Variants in ASAP1 observed in about 807,000 individuals in gnomAD.
ASAP1 encodes ArfGAP with SH3 domain, ankyrin repeat and PH domain 1.
In ASAP1, 43 loss-of-function variants were observed where a neutral mutation model predicts 145.2. The ratio of observed to expected loss-of-function variants is 0.30; its 90% CI spans 0.23 to 0.38. ASAP1 has a LOEUF of 0.38. Among genes scored for constraint, ASAP1 ranks in the 10% least tolerant of loss-of-function variants. The pLI is 1.00. For synonymous variants in ASAP1, 546 were observed against 515.5 expected, an observed-to-expected ratio of 1.06 and a Z score of -0.80; for missense variants, 1,018 against 1,355.3, an observed-to-expected ratio of 0.75 and a Z score of 3.91.
chr8:130,149,898 G>A lies in ASAP1; in HGVS notation c.1080+2838C>T, dbSNP rs1356876885. 2.6e-5 allele frequency among the ~76,000 whole-genome samples: 4 copies of A among 152,194 alleles called. No individual in the cohort carries two copies. The East Asian group carries it at 7.7e-4, about 29-fold the overall frequency. On this transcript the variant is annotated intron_variant, in intron 13 of 29. Transcript: ENST00000518721. The stretch of plus-strand genomic sequence containing the variant: ...CCAGTGAAAAGTGGGGAACAGAATA[G>A]CACAAATTAGCAGGAGGGAATCAGA...
chr8:130,414,937 T>C (rs1358706598), intron 1 of ASAP1, among the ~76,000 whole-genome samples: 1 of 152,180 alleles, frequency 6.6e-6, no homozygotes, highest in East Asian at 1.9e-4. Flanking sequence ...TTTGTACTTT[T>C]AGTAGAGACA....
chr8:130,099,974 T>C (rs2097525793), intron 24 of ASAP1, among the ~76,000 whole-genome samples: 1 of 152,200 alleles, frequency 6.6e-6, no homozygotes, highest in South Asian at 2.1e-4. Flanking sequence ...GCAGTAAACA[T>C]GGGGTGCAGG....
At chr8:130,304,986 C>T (rs536983834) in intron 3 of ASAP1, among the ~76,000 whole-genome samples, 5 of 152,268 alleles carry the variant, frequency 3.3e-5, no homozygotes, top group African/African-American at 9.6e-5. Flanking sequence ...CCTCTTCTTC[C>T]TCACACGCTC....
rs771330943 is a variant in ASAP1 at position 130,112,175 on chromosome 8, T to G, written c.2320A>C (p.Ile774Leu). ...RLSYGAFTNQIFVSTSTDSPT... is the reference protein window; with the variant it reads ...RLSYGAFTNQLFVSTSTDSPT... ...GAGTCTGTGCTTGTGGAAACGAAGA[T>G]CTGGTTGGTGAAGGCTCCATAGGAG... Residue 774 changes from isoleucine (I) to leucine (L), a missense_variant, in exon 24 of 30, where the codon ATC (isoleucine) becomes CTC (leucine). Around this residue, in one of 9 missense-constraint regions of ASAP1, gnomAD observed 353 missense variants for 375.4 expected, o/e 0.94. Coordinates refer to ENST00000518721, the MANE Select transcript of ASAP1 (RefSeq NM_018482.4). The G allele has an allele frequency of 6.2e-7, 1 of 1,613,872 alleles. No homozygotes were observed. The highest frequency in any genetic ancestry group is 2.2e-5 in the East Asian group (1 of 44,888).
At chr8:130,075,938 G>A (rs1450635803) in intron 27 of ASAP1, among the ~76,000 whole-genome samples, 4 of 152,100 alleles carry the variant, frequency 2.6e-5, no homozygotes, top group African/African-American at 7.2e-5. Context: ...AAAACCTCAC[G>A]AAGTATTATT....
intron 25 of ASAP1, among the ~76,000 whole-genome samples, chr8:130,090,386 C>T (rs879527657): frequency 3.3e-5 from 5 of 152,136 alleles, no homozygotes; most frequent in Non-Finnish European, 7.4e-5. Flanking sequence ...GGGGGAAAGG[C>T]CTTTTTGATG....
At chr8:130,058,178 T>C in intron 28 of ASAP1, 102 bp from the exon 29 acceptor site, 1 of 1,294,320 alleles carries the variant, frequency 7.7e-7, no homozygotes. Context: ...TAACTTAACC[T>C]CGCTGAGCCT....
intron 4 of ASAP1, among the ~76,000 whole-genome samples, chr8:130,218,867 A>G (rs894231482): frequency 6.7e-6 from 1 of 149,426 alleles, no homozygotes; most frequent in Non-Finnish European, 1.5e-5. Context: ...ATATATATGC[A>G]TATGTATGTA....
At chr8:130,063,161 T>G (rs1447660687) in intron 27 of ASAP1, among the ~76,000 whole-genome samples, 1 of 151,878 alleles carries the variant, frequency 6.6e-6, no homozygotes, top group East Asian at 1.9e-4. Flanking sequence ...AGACTTCAGG[T>G]AGTTTTTATT....
chr8:130,056,645 T>C (rs1488611861), intron 29 of ASAP1, among the ~76,000 whole-genome samples: 2 of 152,124 alleles, frequency 1.3e-5, no homozygotes, highest in Non-Finnish European at 2.9e-5. Flanking sequence ...GGAAGAAAAG[T>C]CAAAGGTGAA....
At chr8:130,130,866 C>T (rs902717921) in intron 15 of ASAP1, among the ~76,000 whole-genome samples, 11 of 151,642 alleles carry the variant, frequency 7.3e-5, no homozygotes, top group African/African-American at 2.7e-4. Flanking sequence ...CAACATAGAT[C>T]TCATTTTAAA....
At chr8:130,091,903 C>A in intron 25 of ASAP1, 70 bp downstream of exon 25, 1 of 1,432,628 alleles carries the variant, frequency 7.0e-7, no homozygotes, top group Non-Finnish European at 9.2e-7. Flanking sequence ...TGCTAACAGG[C>A]CACTGCCCAG....
chr8:130,345,196 A>C (rs1825635671), intron 3 of ASAP1, among the ~76,000 whole-genome samples: 1 of 152,236 alleles, frequency 6.6e-6, no homozygotes, highest in Admixed American at 6.5e-5. Context: ...AATGCTGGAG[A>C]GTAAACTCAG....
intron 23 of ASAP1, among the ~76,000 whole-genome samples, chr8:130,114,407 T>C (rs1226209862): frequency 6.6e-6 from 1 of 152,228 alleles, no homozygotes; most frequent in African/African-American, 2.4e-5. Context: ...AAACATGTTA[T>C]ATAAGATTAA....
At chr8:130,342,396 G>A (rs142405444) in intron 3 of ASAP1, among the ~76,000 whole-genome samples, 9 of 152,252 alleles carry the variant, frequency 5.9e-5, no homozygotes, top group Non-Finnish European at 7.4e-5. Flanking sequence ...GTAAAATACC[G>A]TGGGTAAAGT....
intron 27 of ASAP1, among the ~76,000 whole-genome samples, chr8:130,063,565 A>G (rs1328721280): frequency 1.3e-5 from 2 of 152,174 alleles, no homozygotes; most frequent in African/African-American, 4.8e-5. Flanking sequence ...ATGGGACTAC[A>G]GGGCAGGGAA....
At chr8:130,289,211 A>AAAAAAAAACAAAC (rs1821804728) in intron 3 of ASAP1, among the ~76,000 whole-genome samples, 3 of 151,860 alleles carry the variant, frequency 2.0e-5, no homozygotes, top group South Asian at 4.1e-4. Flanking sequence ...AACAAACAAA[A>AAAAAAAAACAAAC]AAAAAAACTA....
intron 9 of ASAP1, among the ~76,000 whole-genome samples, chr8:130,170,199 T>G (rs902671488): frequency 2.6e-5 from 4 of 152,142 alleles, no homozygotes; most frequent in Non-Finnish European, 4.4e-5. Context: ...TATCTTTTTT[T>G]TTTTTGAGAT....
chr8:130,304,989 A>C (rs1331996954), intron 3 of ASAP1, among the ~76,000 whole-genome samples: 1 of 151,034 alleles, frequency 6.6e-6, no homozygotes, highest in East Asian at 2.0e-4. Flanking sequence ...CTTCTTCCTC[A>C]CACGCTCTAC....
Sources: allele counts gnomAD v4.1 joint callset (sites outside exome capture counted in the v4.1 genomes callset), GRCh38; gene constraint gnomAD v4.1.1; regional missense constraint gnomAD v4.1.1; transcripts MANE v1.5; gene names NCBI Gene and HGNC (gene_info 2026-07-23, HGNC 2026-07-21).